MRTFB: variants seen among roughly 807,000 people sequenced by gnomAD.
MRTFB encodes myocardin-related transcription factor B.
Under a neutral mutation model 104.2 loss-of-function variants are expected in MRTFB, and 29 were observed. The observed-to-expected ratio is 0.28, with a 90% CI of 0.21 to 0.38. The LOEUF is 0.38. Ranked by LOEUF, MRTFB falls within the 10% of genes least tolerant of loss-of-function variation. MRTFB has a pLI of 1.00. For synonymous variants in MRTFB, 535 were observed against 519.5 expected (o/e 1.03, Z -0.41); for missense variants, 1,270 against 1,341.6 (o/e 0.95, Z 0.83).
chr16:14,196,937 A>T (rs2040457633), intron 3 of MRTFB, among the ~76,000 whole-genome samples: 1 of 148,464 alleles, frequency 6.7e-6, no homozygotes. Flanking sequence ...ATCATCTATG[A>T]GAGTACTTTA....
chr16:14,018,294 A>G, the MRTFB span, among the ~76,000 whole-genome samples: 185 of 152,278 alleles, frequency 1.2e-3, no homozygotes, highest in East Asian at 0.024. Context: ...CCCAATTAGA[A>G]AAAAGGGAAT....
At chr16:14,071,094 G>A (rs1020831200), upstream of MRTFB, among the ~76,000 whole-genome samples, 8 of 152,194 alleles carry the variant, frequency 5.3e-5, no homozygotes, top group Admixed American at 2.0e-4. Context: ...GGCCGGCCAG[G>A]TGAGAAGGAG....
chr16:14,230,960 A>C (rs1209113426), intron 8 of MRTFB, among the ~76,000 whole-genome samples: 1 of 151,690 alleles, frequency 6.6e-6, no homozygotes, highest in Non-Finnish European at 1.5e-5. Context: ...GCCATAAAAA[A>C]TGATGAGTTC....
At chr16:14,058,683 AT>A in the MRTFB span, among the ~76,000 whole-genome samples, 5 of 52,226 alleles carry the variant, frequency 9.6e-5, no homozygotes, top group East Asian at 1.2e-3. Context: ...ACTAAAACAT[AT>A]TTATTTATTT....
At chr16:14,156,383 C>T (rs1039084436) in intron 3 of MRTFB, among the ~76,000 whole-genome samples, 4 of 152,314 alleles carry the variant, frequency 2.6e-5, no homozygotes, top group African/African-American at 2.4e-5. Context: ...CCCACCCAAA[C>T]GCTCAGACCT....
chr16:14,125,975 G>C (rs867078081), intron 2 of MRTFB, among the ~76,000 whole-genome samples: 11 of 152,080 alleles, frequency 7.2e-5, no homozygotes, highest in African/African-American at 2.2e-4. Context: ...TACTTTCAAG[G>C]ACTACACTCA....
chr16:14,217,882 C>G (rs1253450463), intron 7 of MRTFB, among the ~76,000 whole-genome samples: 1 of 152,064 alleles, frequency 6.6e-6, no homozygotes, highest in Non-Finnish European at 1.5e-5. Context: ...CTGTTTTATC[C>G]TCGTCTTACC....
chr16:14,017,675 G>A, the MRTFB span, among the ~76,000 whole-genome samples: 3 of 11,968 alleles, frequency 2.5e-4, no homozygotes, highest in Non-Finnish European at 8.4e-4. Context: ...ATTTGTGTGT[G>A]TGTGTGTGTG....
intron 3 of MRTFB, chr16:14,193,729 G>A (rs2040302445): frequency 6.6e-6 from 1 of 152,064 alleles, no homozygotes; most frequent in Non-Finnish European, 1.5e-5. Flanking sequence ...AGAATAACCA[G>A]GAAAGTGTTC....
intron 3 of MRTFB, among the ~76,000 whole-genome samples, chr16:14,196,636 T>A (rs2040444340): frequency 1.3e-5 from 2 of 152,226 alleles, no homozygotes; most frequent in Non-Finnish European, 2.9e-5. Context: ...CAGAAAATAG[T>A]CTTAATATCA....
intron 2 of MRTFB, among the ~76,000 whole-genome samples, chr16:14,131,928 T>C (rs140175223): frequency 2.6e-5 from 4 of 152,160 alleles, no homozygotes; most frequent in East Asian, 1.9e-4. Flanking sequence ...TCCACTCTTA[T>C]GTGTATACCC....
chr16:14,087,392 G>A (rs183005558), intron 2 of MRTFB, among the ~76,000 whole-genome samples: 15 of 152,160 alleles, frequency 9.9e-5, no homozygotes, highest in East Asian at 3.9e-4. Flanking sequence ...TTAGTGTTGC[G>A]GCATGCTGGA....
intron 2 of MRTFB, among the ~76,000 whole-genome samples, chr16:14,082,373 CTTTA>C (rs1430432806): frequency 1.3e-5 from 2 of 152,164 alleles, no homozygotes; most frequent in Non-Finnish European, 2.9e-5. Flanking sequence ...TTTCTGGGTT[CTTTA>C]TTCTATTCCA....
Position 14,263,902 on chromosome 16 carries a change from C to T in MRTFB, c.*2458C>T, listed in dbSNP as rs1474234953. 6.6e-6 allele frequency: 1 copy of T among 152,222 alleles called. No homozygotes were observed. The highest frequency in any genetic ancestry group is 2.4e-5 in the African/African-American group (1 of 41,452). The allele number at this position is 152,222 out of a possible 1,614,324, so 9.4% of individuals were successfully genotyped here. ...GGTCACCAGCCAGGCACCTGTGACA[C>T]GAGTGCTGCTCTCCAGGATCTCCAC... On this transcript the variant is annotated 3_prime_UTR_variant, in exon 17 of 17. Coordinates refer to ENST00000571589, the MANE Select transcript of MRTFB (RefSeq NM_001308142.2).
intron 5 of MRTFB, among the ~76,000 whole-genome samples, chr16:14,212,622 A>T (rs2041241585): frequency 6.6e-6 from 1 of 152,212 alleles, no homozygotes; most frequent in South Asian, 2.1e-4. Flanking sequence ...TGTTCTTTTA[A>T]AGCCAGTAAC....
At chr16:14,166,209 TTTC>T (rs1386793719) in intron 3 of MRTFB, among the ~76,000 whole-genome samples, 9 of 141,128 alleles carry the variant, frequency 6.4e-5, no homozygotes, top group African/African-American at 9.0e-5. Flanking sequence ...TTGTGTGGGT[TTTC>T]TTTTCTTTTT....
the MRTFB span, among the ~76,000 whole-genome samples, chr16:14,022,746 CTTTT>C: frequency 1.5e-4 from 13 of 88,650 alleles, no homozygotes; most frequent in Non-Finnish European, 9.4e-5. Context: ...TAATACTGTT[CTTTT>C]TTTTTTTTTT....
intron 2 of MRTFB, among the ~76,000 whole-genome samples, chr16:14,080,991 GATTTC>G (rs2034363447): frequency 6.6e-6 from 1 of 152,144 alleles, no homozygotes; most frequent in Non-Finnish European, 1.5e-5. Flanking sequence ...TCTCTTTACT[GATTTC>G]ATTTCCTTTG....
At chr16:14,172,967 T>C (rs1008998519) in intron 3 of MRTFB, among the ~76,000 whole-genome samples, 15 of 152,324 alleles carry the variant, frequency 9.8e-5, no homozygotes, top group Non-Finnish European at 7.4e-5. Flanking sequence ...CCTGTTTTTA[T>C]TGCATCTAGA....
Sources: allele counts gnomAD v4.1 joint callset (sites outside exome capture counted in the v4.1 genomes callset), GRCh38; gene constraint gnomAD v4.1.1; transcripts MANE v1.5; gene names NCBI Gene and HGNC (gene_info 2026-07-23, HGNC 2026-07-21).